TAFA1: variants seen among roughly 807,000 people sequenced by gnomAD.
The protein encoded by TAFA1 is TAFA chemokine like family member 1, also known as chemokine-like protein TAFA-1.
TAFA1 carries 4 observed loss-of-function variants against 18.5 expected under a neutral mutation model. The ratio of observed to expected loss-of-function variants is 0.22; its 90% CI spans 0.11 to 0.49. The LOEUF is 0.49. Among genes scored for constraint, TAFA1 ranks in the 20% least tolerant of loss-of-function variants. The pLI is 0.98. For missense variants in TAFA1, 147 were observed against 169.0 expected (o/e 0.87, Z 0.72); for synonymous variants, 56 against 55.2 (o/e 1.01, Z -0.06).
intron 2 of TAFA1, among the ~76,000 whole-genome samples, chr3:68,080,638 G>T (rs1292794653): frequency 6.6e-6 from 1 of 152,050 alleles, no homozygotes; most frequent in East Asian, 1.9e-4. Context: ...GTTGAATATT[G>T]GCCCCCACTC....
chr3:68,117,753 T>C (rs2065341313), intron 2 of TAFA1, among the ~76,000 whole-genome samples: 1 of 152,252 alleles, frequency 6.6e-6, no homozygotes, highest in Admixed American at 6.5e-5. Context: ...TGTTATGTCT[T>C]AAAAATTTTC....
At chr3:68,138,994 T>C (rs557878525) in intron 2 of TAFA1, among the ~76,000 whole-genome samples, 1 of 152,302 alleles carries the variant, frequency 6.6e-6, no homozygotes, top group South Asian at 2.1e-4. Context: ...CGACAGTTCC[T>C]CTGCTTTGTT....
intron 2 of TAFA1, among the ~76,000 whole-genome samples, chr3:68,207,478 A>G (rs2066541696): frequency 6.6e-6 from 1 of 151,928 alleles, no homozygotes; most frequent in East Asian, 1.9e-4. Flanking sequence ...GAAACTTCAC[A>G]GAGTAGACAG....
At chr3:68,276,283 G>A (rs1371906646) in intron 2 of TAFA1, among the ~76,000 whole-genome samples, 1 of 152,074 alleles carries the variant, frequency 6.6e-6, no homozygotes, top group African/African-American at 2.4e-5. Flanking sequence ...TAGCATTTGG[G>A]GCTGAATAAT....
intron 2 of TAFA1, among the ~76,000 whole-genome samples, chr3:68,227,119 G>A (rs1289492045): frequency 6.6e-6 from 1 of 151,878 alleles, no homozygotes; most frequent in African/African-American, 2.4e-5. Flanking sequence ...TACTGGGGTG[G>A]ATTCCTTAAA....
intron 1 of TAFA1, among the ~76,000 whole-genome samples, 174 bp downstream of exon 1, chr3:68,004,876 A>G (rs1022142628): frequency 6.6e-6 from 1 of 152,196 alleles, no homozygotes; most frequent in Non-Finnish European, 1.5e-5. Context: ...GAGGCTTGGA[A>G]GTAATGCTGA....
At chr3:68,360,557 G>T (rs1192039113) in intron 2 of TAFA1, among the ~76,000 whole-genome samples, 1 of 151,908 alleles carries the variant, frequency 6.6e-6, no homozygotes, top group African/African-American at 2.4e-5. Flanking sequence ...TAGTATGGTT[G>T]TTGGGTTTTT....
intron 3 of TAFA1, among the ~76,000 whole-genome samples, chr3:68,515,870 GTGAACACGAGCTCCTCT>G (rs1484568946): frequency 6.6e-6 from 1 of 152,092 alleles, no homozygotes; most frequent in Non-Finnish European, 1.5e-5. Context: ...CTCTTAAACT[GTGAACACGAGCTCCTCT>G]TGAAATTAGC....
At chr3:68,176,953 A>C (rs919139173) in intron 2 of TAFA1, among the ~76,000 whole-genome samples, 4 of 151,242 alleles carry the variant, frequency 2.6e-5, no homozygotes, top group African/African-American at 9.7e-5. Context: ...TATATTGCTC[A>C]TCTGGTTCTT....
At chr3:68,233,259 T>G (rs986499097) in intron 2 of TAFA1, among the ~76,000 whole-genome samples, 84 of 152,330 alleles carry the variant, frequency 5.5e-4, no homozygotes, top group Admixed American at 3.0e-3. Flanking sequence ...ATTAGTTCCT[T>G]ATTTGATAAA....
chr3:68,466,282 A>G (rs1197441281), intron 3 of TAFA1, among the ~76,000 whole-genome samples: 3 of 152,086 alleles, frequency 2.0e-5, no homozygotes, highest in South Asian at 2.1e-4. Flanking sequence ...TAATTTCCAG[A>G]GTATCAACAA....
intron 3 of TAFA1, among the ~76,000 whole-genome samples, chr3:68,484,485 G>A (rs1041712043): frequency 6.6e-6 from 1 of 152,202 alleles, no homozygotes; most frequent in African/African-American, 2.4e-5. Context: ...CATTGGATTG[G>A]TGGGTGAGGT....
intron 2 of TAFA1, among the ~76,000 whole-genome samples, chr3:68,191,559 T>C (rs895538472): frequency 6.6e-5 from 10 of 151,802 alleles, no homozygotes; most frequent in Admixed American, 6.6e-5. Context: ...GATTGATGAA[T>C]TGAAATATTT....
intron 3 of TAFA1, among the ~76,000 whole-genome samples, chr3:68,448,957 A>G (rs2071520456): frequency 6.6e-6 from 1 of 152,220 alleles, no homozygotes; most frequent in African/African-American, 2.4e-5. Flanking sequence ...TAGTATCAGA[A>G]TTTGAGCTGC....
chr3:68,252,878 C>G (rs1452556015), intron 2 of TAFA1, among the ~76,000 whole-genome samples: 1 of 152,118 alleles, frequency 6.6e-6, no homozygotes, highest in Non-Finnish European at 1.5e-5. Context: ...GTAAGTCTTT[C>G]CCGTGCTGTT....
chr3:68,146,043 G>T (rs1004886864), intron 2 of TAFA1, among the ~76,000 whole-genome samples: 1 of 152,154 alleles, frequency 6.6e-6, no homozygotes, highest in Non-Finnish European at 1.5e-5. Context: ...GAATGTTAAA[G>T]ATTTTCTACA....
chr3:68,203,617 T>C (rs1394554742), intron 2 of TAFA1, among the ~76,000 whole-genome samples: 1 of 151,650 alleles, frequency 6.6e-6, no homozygotes, highest in Non-Finnish European at 1.5e-5. Context: ...TACTGTGAAC[T>C]TCATGTTTTT....
intron 2 of TAFA1, among the ~76,000 whole-genome samples, chr3:68,164,331 A>C (rs1294257667): frequency 4.6e-5 from 7 of 152,096 alleles, no homozygotes; most frequent in Admixed American, 3.9e-4. Flanking sequence ...ATTCACACAC[A>C]CTCAAGTAGA....
chr3:68,364,893 T>C (rs1412576151), intron 2 of TAFA1, among the ~76,000 whole-genome samples: 1 of 152,210 alleles, frequency 6.6e-6, no homozygotes, highest in Non-Finnish European at 1.5e-5. Flanking sequence ...GTTCAGTCCC[T>C]TATCAAAGGT....
Sources: allele counts gnomAD v4.1 joint callset (sites outside exome capture counted in the v4.1 genomes callset), GRCh38; gene constraint gnomAD v4.1.1; transcripts MANE v1.5; gene names NCBI Gene and HGNC (gene_info 2026-07-23, HGNC 2026-07-21).